Variants in FAM98B observed in about 807,000 individuals in gnomAD.
The protein encoded by FAM98B is tRNA-splicing ligase complex subunit FAM98B.
In FAM98B, 32 loss-of-function variants were observed where a neutral mutation model predicts 43.9. The observed-to-expected ratio is 0.73, with a 90% CI of 0.55 to 0.98. The LOEUF is 0.98. Among genes scored for constraint, FAM98B ranks in the 50% least tolerant of loss-of-function variants. The pLI is 0.00. For synonymous variants in FAM98B, 190 were observed against 174.0 expected (o/e 1.09, Z -0.72); for missense variants, 514 against 522.9 (o/e 0.98, Z 0.17).
At chr15:38,474,390 T>C in intron 6 of FAM98B, 92 bp downstream of exon 6, 1 of 769,408 alleles carries the variant, frequency 1.3e-6, no homozygotes, top group Non-Finnish European at 2.1e-6. Context: ...GCCACATTTG[T>C]ACTTCATCAC....
intron 1 of FAM98B, among the ~76,000 whole-genome samples, chr15:38,460,868 C>G (rs1296970335): frequency 2.0e-5 from 3 of 152,014 alleles, no homozygotes; most frequent in Non-Finnish European, 2.9e-5. Context: ...TAGTATCTAC[C>G]TTATAGGGTA....
In FAM98B at chr15:38,474,090, C is replaced by T. The variant is rs961834619; in HGVS notation, c.613-92C>T. On this transcript the variant is annotated intron_variant, in intron 5 of 7. Transcript: ENST00000397609. ...TGGTCAGTAAGTACATCTTTTGACT[C>T]AGTAGGAAGTACTTAGCACAATTTT... The T allele has an allele frequency of 8.5e-6, 7 of 826,222 alleles. No homozygotes were observed. The Admixed American group carries it at 1.5e-4, about 18-fold the overall frequency. The allele number at this position is 826,222 out of a possible 1,614,324, so 51.2% of individuals were successfully genotyped here.
Position 38,484,432 on chromosome 15 carries a change from T to TGGG in FAM98B, c.1080_1082dup (p.Gly365dup). On this transcript the variant is annotated inframe_insertion, in exon 8 of 8. Transcript: ENST00000397609. Reference sequence around the variant, plus strand: ...TGGGGGTGGGGGTGGGAGAGGTGGCTGGGGGGGTGGAGGAGGAGGTTGGGG... The same window carrying TGGG: ...TGGGGGTGGGGGTGGGAGAGGTGGCTGGGGGGGGGGTGGAGGAGGAGGTTGGGG... The TGGG allele has an allele frequency of 5.3e-6, 1 of 190,064 alleles. No homozygotes were observed. The highest frequency in any genetic ancestry group is 6.0e-4 in the East Asian group (1 of 1,670). The allele number at this position is 190,064 out of a possible 1,614,324, so 11.8% of individuals were successfully genotyped here. A position where few individuals can be genotyped will look rare whatever the true frequency, so the allele number is the denominator to read the frequency against.
At position 38,454,210 on chromosome 15, in the gene FAM98B, C is replaced by A. The variant is rs1266467735; in HGVS notation, c.49C>A (p.Leu17Met). The A allele has an allele frequency of 1.2e-6, 2 of 1,603,526 alleles. No homozygotes were observed. The highest frequency in any genetic ancestry group is 1.7e-6 in the Non-Finnish European group (2 of 1,176,380). ...CCAACCGACGATGGAGGGAGACGTGCTGGACACACTGGAGGCGCTGGGGTG... is the reference window on the plus strand; with the variant it reads ...CCAACCGACGATGGAGGGAGACGTGATGGACACACTGGAGGCGCTGGGGTG... Reference protein sequence around the residue: ...GPQPTMEGDVLDTLEALGYKG... With the variant: ...GPQPTMEGDVMDTLEALGYKG... Residue 17 changes from leucine to methionine, a missense_variant, in exon 1 of 8, where the codon CTG becomes ATG. Physicochemically the swap from Leu to Met is conservative, Grantham distance 15. Around this residue, in one of 2 missense-constraint regions of FAM98B, gnomAD observed 469 missense variants for 451.8 expected, o/e 1.04. Coordinates refer to ENST00000397609, the MANE Select transcript of FAM98B (RefSeq NM_173611.4).
At chr15:38,473,458 T>A (rs770147755) in intron 4 of FAM98B, 47 bp from the exon 5 acceptor site, 2 of 1,362,706 alleles carry the variant, frequency 1.5e-6, no homozygotes, top group South Asian at 2.5e-5. Flanking sequence ...AAGATTGTTT[T>A]AAATTAGGAA....
chr15:38,454,237 G>T lies in FAM98B; in HGVS notation c.71+5G>T. 3.1e-6 allele frequency: 5 copies of T among 1,599,654 alleles called. No individual in the cohort carries two copies. The highest frequency in any genetic ancestry group is 4.3e-6 in the Non-Finnish European group (5 of 1,174,638). Reference sequence around the variant, plus strand: ...GGACACACTGGAGGCGCTGGGGTGAGTGCTTTTGGAGACGCCTTTTCCCTG... The same window carrying T: ...GGACACACTGGAGGCGCTGGGGTGATTGCTTTTGGAGACGCCTTTTCCCTG... On this transcript the variant is annotated splice_donor_5th_base_variant and intron_variant, in intron 1 of 7. Transcript: ENST00000397609.
Position 38,484,825 on chromosome 15 carries a change from C to T in FAM98B, c.*166C>T, listed in dbSNP as rs1443700360. 4 of 1,042,114 alleles carry T rather than the reference C, an allele frequency of 3.8e-6. No individual in the cohort carries two copies. The African/African-American group carries it at 5.1e-5, about 13-fold the overall frequency. 64.6% of individuals were successfully genotyped at this position (1,042,114 alleles called of 1,614,324 possible). ...ATGTAAGAACATTGTTTTTTATTAC[C>T]AGTTGATCTCTCAAATGAAGTGATG... On this transcript the variant is annotated 3_prime_UTR_variant, in exon 8 of 8. Transcript: ENST00000397609.
At position 38,474,218 on chromosome 15, in the gene FAM98B, G is replaced by C. The variant is rs146385062; in HGVS notation, c.649G>C (p.Glu217Gln). Residue 217 changes from glutamate to glutamine, a missense_variant, in exon 6 of 8, where the codon GAA (glutamate) becomes CAA (glutamine). Transcript: ENST00000397609. Reference sequence around the variant, plus strand: ...AAGAATCAATGATGCTCTTTCCTGTGAATATGAGTGCCGCCGACGAATGTT... The same window carrying C: ...AAGAATCAATGATGCTCTTTCCTGTCAATATGAGTGCCGCCGACGAATGTT... ...LERINDALSC[E>Q]YECRRRMLMK... 5.3e-5 allele frequency: 85 copies of C among 1,613,678 alleles called. No homozygotes were observed. The highest frequency in any genetic ancestry group is 7.0e-5 in the Non-Finnish European group (82 of 1,179,796).
At position 38,474,195 on chromosome 15, in the gene FAM98B, GAATC is replaced by G; in HGVS notation, c.630_633del (p.Ile210MetfsTer15). 6.2e-7 allele frequency: 1 copy of G among 1,613,246 alleles called. No homozygotes were observed. Among genetic ancestry groups the G allele is most frequent in the African/African-American group, 1.3e-5 (1 of 75,006 alleles). ...CAAATTTTTTAGGAACAACTGGAAA[GAATC>G]AATGATGCTCTTTCCTGTGAATATG... On this transcript the variant is annotated frameshift_variant, in exon 6 of 8. Transcript: ENST00000397609. LOFTEE classifies it high-confidence loss of function.
rs141118770 is a variant in FAM98B at position 38,474,407 on chromosome 15, AACT to A, written c.729+112_729+114del. The A allele has an allele frequency of 7.1e-4, 471 of 660,082 alleles. 1 individual carries two copies. In the African/African-American group the frequency reaches 7.7e-3, roughly 11 times the overall value. The allele number at this position is 660,082 out of a possible 1,614,324, so 40.9% of individuals were successfully genotyped here. On this transcript the variant is annotated intron_variant, in intron 6 of 7. Coordinates refer to ENST00000397609, the MANE Select transcript of FAM98B (RefSeq NM_173611.4). The stretch of plus-strand genomic sequence containing the variant: ...CACATTTGTACTTCATCACCATCTC[AACT>A]ACATGCCCAGGCCAACTACTGGTCT...
intron 3 of FAM98B, among the ~76,000 whole-genome samples, chr15:38,466,084 T>G (rs1334789152): frequency 6.6e-6 from 1 of 152,138 alleles, no homozygotes; most frequent in Admixed American, 6.5e-5. Flanking sequence ...TATTGAAGAT[T>G]TCTATTTCAG....
intron 1 of FAM98B, chr15:38,459,212 C>T (rs957763925): frequency 2.5e-5 from 11 of 443,394 alleles, no homozygotes; most frequent in Non-Finnish European, 4.9e-5. Flanking sequence ...TAAAGATGCA[C>T]AAGGGCTTCA....
chr15:38,458,832 C>A, intron 1 of FAM98B: 1 of 484,570 alleles, frequency 2.1e-6, no homozygotes, highest in Non-Finnish European at 4.2e-6. Context: ...TTCAGCAACT[C>A]AGTATCTGCC....
chr15:38,473,513 T>C lies in FAM98B; in HGVS notation c.540T>C (p.Asp180=), dbSNP rs1890154968. The change falls in exon 5 of 8, where the codon GAT becomes GAC. Residue 180 remains aspartate (D), a synonymous_variant. Transcript: ENST00000397609. ...MLNQVESKVK[D]ILSKVQKNHV... Reference sequence around the variant, plus strand: ...TTTATATTTACTTTTAGGTGAAAGATATTCTCTCAAAGGTCCAGAAAAATC... The same window carrying C: ...TTTATATTTACTTTTAGGTGAAAGACATTCTCTCAAAGGTCCAGAAAAATC... The C allele has an allele frequency of 1.9e-6, 3 of 1,602,234 alleles. No homozygotes were observed. Among genetic ancestry groups the C allele is most frequent in the East Asian group, 2.2e-5 (1 of 44,632 alleles).
intron 6 of FAM98B, among the ~76,000 whole-genome samples, chr15:38,478,024 C>T (rs1169198706): frequency 1.3e-5 from 2 of 152,122 alleles, no homozygotes. Flanking sequence ...GAAAAAGGAA[C>T]GTAGGAATAT....
At chr15:38,481,789 A>C (rs1016826304) in intron 7 of FAM98B, 1 of 579,934 alleles carries the variant, frequency 1.7e-6, no homozygotes, top group Non-Finnish European at 2.9e-6. Flanking sequence ...GTACTGACAG[A>C]TTCGTTATAT....
In FAM98B at chr15:38,458,860, C is replaced by A. The variant is rs548361891; in HGVS notation, c.71+4628C>A. On this transcript the variant is annotated intron_variant, in intron 1 of 7. Coordinates refer to ENST00000397609, the MANE Select transcript of FAM98B (RefSeq NM_173611.4). ...TATCTGCCATGTCATCAAACCAGGA[C>A]TGCACAGGCACTGCATTCTCTGGGT... The A allele has an allele frequency of 1.4e-3, 638 of 472,188 alleles. 2 individuals carry two copies. Among genetic ancestry groups the A allele is most frequent in the Non-Finnish European group, 2.1e-3 (508 of 236,352 alleles). The allele number at this position is 472,188 out of a possible 1,614,324, so 29.2% of individuals were successfully genotyped here. A position where few individuals can be genotyped will look rare whatever the true frequency, so the allele number is the denominator to read the frequency against.
At chr15:38,479,708 A>G (rs1176695396) in intron 6 of FAM98B, among the ~76,000 whole-genome samples, 1 of 152,108 alleles carries the variant, frequency 6.6e-6, no homozygotes, top group African/African-American at 2.4e-5. Flanking sequence ...TTTAATTTTT[A>G]TATATAAATT....
rs1296797851 is a variant in FAM98B, at chr15:38,487,174, A to G, written c.*2515A>G. 1.3e-5 allele frequency: 2 copies of G among 152,148 alleles called. No individual in the cohort carries two copies. The highest frequency in any genetic ancestry group is 4.1e-4 in the South Asian group (2 of 4,830). 9.4% of individuals were successfully genotyped at this position (152,148 alleles called of 1,614,324 possible). On this transcript the variant is annotated 3_prime_UTR_variant, in exon 8 of 8. Transcript: ENST00000397609. ...CATAATCACCACACTATTACTCATA[A>G]GCACACATCAAAAGGGAAACAAGGG... is the stretch of plus-strand genomic sequence containing the variant.
Sources: gnomAD v4.1 joint callset for allele counts (sites outside exome capture counted in the v4.1 genomes callset) on GRCh38, gnomAD v4.1.1 for gene constraint, gnomAD v4.1.1 regional missense constraint, MANE v1.5 for transcripts, NCBI Gene and HGNC (gene_info 2026-07-23, HGNC 2026-07-21) for gene names.